The following NAALADL2 variants were observed in gnomAD, a reference collection of about 807,000 sequenced individuals.
NAALADL2 encodes the protein inactive N-acetylated-alpha-linked acidic dipeptidase-like protein 2.
NAALADL2 carries 76 observed loss-of-function variants against 87.2 expected under a neutral mutation model. The ratio of observed to expected loss-of-function variants is 0.87; its 90% CI spans 0.72 to 1.05. NAALADL2 has a LOEUF of 1.05. NAALADL2 is among the 50% of genes least tolerant of loss of function. The probability of loss-of-function intolerance (pLI) is 0.00; values close to 1 mark genes in which losing one functional copy is unlikely to be tolerated. For synonymous variants in NAALADL2, 354 were observed against 331.0 expected (o/e 1.07, Z -0.75); for missense variants, 1,089 against 945.8 (o/e 1.15, Z -1.99).
intron 4 of NAALADL2, among the ~76,000 whole-genome samples, chr3:175,318,198 A>G (rs867469720): frequency 2.6e-4 from 40 of 152,116 alleles, no homozygotes; most frequent in African/African-American, 9.4e-4. Context: ...TGTATTTATC[A>G]ACAGACAAAT....
intron 9 of NAALADL2, among the ~76,000 whole-genome samples, chr3:175,556,328 AT>A (rs755224018): frequency 6.6e-6 from 1 of 152,102 alleles, no homozygotes; most frequent in African/African-American, 2.4e-5. Context: ...ATTATTAGCA[AT>A]TTTTTATCTA....
At chr3:175,138,709 G>A (rs978970284) in intron 2 of NAALADL2, among the ~76,000 whole-genome samples, 1 of 148,384 alleles carries the variant, frequency 6.7e-6, no homozygotes, top group African/African-American at 2.5e-5. Flanking sequence ...TGATCCTCCC[G>A]AATAGCTGAG....
At chr3:174,914,005 G>T (rs73174799) in intron 1 of NAALADL2, among the ~76,000 whole-genome samples, 7,885 of 150,890 alleles carry the variant, frequency 0.052, 261 homozygotes, top group Middle Eastern at 0.1. Context: ...AGGAGATTAT[G>T]TATTTCATTT....
Position 175,029,972 on chromosome 3 carries a change from G to T in NAALADL2, c.44-66818G>T, listed in dbSNP as rs544583381. ...GCAGGTCCTCCAGTTGTAAAACCTT[G>T]ACATTGACTATAATTGAGGAGGTTA... On this transcript the variant is annotated intron_variant, in intron 1 of 13. Coordinates refer to ENST00000454872, the MANE Select transcript of NAALADL2 (RefSeq NM_207015.3). 2.0e-5 allele frequency among the ~76,000 whole-genome samples: 3 copies of T among 152,162 alleles called. No homozygotes were observed. The South Asian group carries it at 6.2e-4, about 32-fold the overall frequency.
intron 2 of NAALADL2, among the ~76,000 whole-genome samples, chr3:174,612,332 C>G (rs1017039156): frequency 4.6e-5 from 7 of 152,200 alleles, no homozygotes; most frequent in African/African-American, 1.7e-4. Context: ...ATATATTTCT[C>G]TAGGTTTGGG....
At chr3:174,455,350 A>G (rs1260884630) in intron 1 of NAALADL2, among the ~76,000 whole-genome samples, 3 of 152,150 alleles carry the variant, frequency 2.0e-5, no homozygotes, top group Non-Finnish European at 4.4e-5. Context: ...AAAAAACTGA[A>G]AAGGAGGGAC....
chr3:175,135,315 A>T (rs1032041136), intron 2 of NAALADL2, among the ~76,000 whole-genome samples: 1 of 152,162 alleles, frequency 6.6e-6, no homozygotes, highest in Non-Finnish European at 1.5e-5. Flanking sequence ...GTGATAATTC[A>T]TTGTGTTGGG....
intron 13 of NAALADL2, among the ~76,000 whole-genome samples, chr3:175,790,210 G>C (rs2108284887): frequency 7.0e-6 from 1 of 143,702 alleles, no homozygotes; most frequent in East Asian, 1.9e-4. Context: ...AAATTGGCTA[G>C]ATAATCTTCA....
intron 1 of NAALADL2, among the ~76,000 whole-genome samples, chr3:174,941,006 G>C (rs2108468212): frequency 6.6e-6 from 1 of 151,986 alleles, no homozygotes; most frequent in East Asian, 1.9e-4. Flanking sequence ...ATTTCCTTCG[G>C]TTCAGCTCTC....
At chr3:175,614,337 C>T (rs1246764177) in intron 10 of NAALADL2, among the ~76,000 whole-genome samples, 1 of 152,234 alleles carries the variant, frequency 6.6e-6, no homozygotes, top group African/African-American at 2.4e-5. Context: ...AGGCGTGAGC[C>T]ACCACCCTCG....
intron 1 of NAALADL2, among the ~76,000 whole-genome samples, chr3:174,906,273 G>C (rs550641014): frequency 6.6e-6 from 1 of 151,912 alleles, no homozygotes; most frequent in African/African-American, 2.4e-5. Flanking sequence ...TTTTTGCTTC[G>C]ACAGTATGGA....
chr3:174,823,423 T>C (rs1378139399), intron 3 of NAALADL2, among the ~76,000 whole-genome samples: 5 of 152,214 alleles, frequency 3.3e-5, no homozygotes, highest in Non-Finnish European at 1.5e-5. Context: ...GCAGTATTCC[T>C]AGAGGGCAAA....
intron 2 of NAALADL2, among the ~76,000 whole-genome samples, chr3:174,652,879 A>T (rs2108758672): frequency 6.6e-6 from 1 of 152,278 alleles, no homozygotes. Flanking sequence ...TCAAACAGAA[A>T]AACCCAATGG....
intron 2 of NAALADL2, among the ~76,000 whole-genome samples, chr3:174,606,292 C>A (rs2108624554): frequency 6.6e-6 from 1 of 152,346 alleles, no homozygotes; most frequent in South Asian, 2.1e-4. Context: ...CGCAGTTCCT[C>A]ACCAGCAATG....
chr3:174,941,735 C>T (rs1166467146), intron 1 of NAALADL2, among the ~76,000 whole-genome samples: 1 of 150,808 alleles, frequency 6.6e-6, no homozygotes, highest in East Asian at 1.9e-4. Flanking sequence ...GAATTGGACT[C>T]TTTACTATTA....
chr3:174,979,158 G>A (rs961266450), intron 1 of NAALADL2, among the ~76,000 whole-genome samples: 5 of 151,752 alleles, frequency 3.3e-5, no homozygotes, highest in Admixed American at 2.0e-4. Flanking sequence ...TTTTCTTGTA[G>A]TTCTTATTTT....
chr3:174,729,050 C>G (rs1578704847), intron 2 of NAALADL2, among the ~76,000 whole-genome samples: 1 of 152,070 alleles, frequency 6.6e-6, no homozygotes, highest in East Asian at 1.9e-4. Flanking sequence ...GATGAGAATA[C>G]CATTTATTTC....
At chr3:175,289,549 A>C (rs1581269258) in intron 4 of NAALADL2, among the ~76,000 whole-genome samples, 1 of 152,174 alleles carries the variant, frequency 6.6e-6, no homozygotes, top group Non-Finnish European at 1.5e-5. Flanking sequence ...ACGTGAAAAA[A>C]CCTTTATAAC....
chr3:174,512,308 G>A (rs1435452517), intron 1 of NAALADL2, among the ~76,000 whole-genome samples: 2 of 152,006 alleles, frequency 1.3e-5, no homozygotes, highest in Non-Finnish European at 2.9e-5. Context: ...ATGAAAAGTT[G>A]GCTGTAATTC....
Sources: gnomAD v4.1 joint callset for allele counts (sites outside exome capture counted in the v4.1 genomes callset) on GRCh38, gnomAD v4.1.1 for gene constraint, MANE v1.5 for transcripts, NCBI Gene and HGNC (gene_info 2026-07-23, HGNC 2026-07-21) for gene names.